Variants in ATP6V0A4 observed in about 807,000 individuals in gnomAD.
The protein encoded by ATP6V0A4 is V-type proton ATPase 116 kDa subunit a 4.
A neutral mutation model predicts 107.3 loss-of-function variants in ATP6V0A4; 86 were observed. That is an observed-to-expected ratio of 0.80 (90% CI 0.67 to 0.96). The LOEUF is 0.96. Ranked by LOEUF, ATP6V0A4 falls within the 40% of genes least tolerant of loss-of-function variation. ATP6V0A4 has a pLI of 0.00. For missense variants in ATP6V0A4, 908 were observed against 1,045.6 expected, an observed-to-expected ratio of 0.87 and a Z score of 1.81; for synonymous variants, 353 against 381.4, an observed-to-expected ratio of 0.93 and a Z score of 0.87.
intron 14 of ATP6V0A4, among the ~76,000 whole-genome samples, chr7:138,742,145 G>A (rs1460164574): frequency 2.0e-5 from 3 of 152,098 alleles, no homozygotes; most frequent in South Asian, 2.1e-4. Context: ...AACTCATCTC[G>A]GCCGGGCACG....
chr7:138,779,168 A>G (rs1466300923), intron 2 of ATP6V0A4, among the ~76,000 whole-genome samples: 1 of 151,928 alleles, frequency 6.6e-6, no homozygotes, highest in African/African-American at 2.4e-5. Context: ...CAGTGAGACT[A>G]TCATCTCTAC....
intron 1 of ATP6V0A4, among the ~76,000 whole-genome samples, chr7:138,789,216 T>G (rs1484691879): frequency 1.4e-5 from 2 of 145,622 alleles, no homozygotes; most frequent in African/African-American, 2.6e-5. Context: ...TAAGGTTTTT[T>G]GGGGGGTTTT....
chr7:138,707,182 A>ATATAT (rs1185813521), intron 21 of ATP6V0A4, among the ~76,000 whole-genome samples: 1 of 62,440 alleles, frequency 1.6e-5, no homozygotes, highest in African/African-American at 7.2e-5. Flanking sequence ...ATATTATATA[A>ATATAT]TATATTATAT....
chr7:138,707,233 AAT>A (rs1491469884), intron 21 of ATP6V0A4, among the ~76,000 whole-genome samples: 14 of 70,326 alleles, frequency 2.0e-4, no homozygotes, highest in South Asian at 9.7e-4. Context: ...TATATTATAT[AAT>A]ATATATTATA....
chr7:138,717,077 C>T (rs964943327), intron 19 of ATP6V0A4, among the ~76,000 whole-genome samples: 1 of 152,170 alleles, frequency 6.6e-6, no homozygotes, highest in Non-Finnish European at 1.5e-5. Flanking sequence ...GGAAGAATGA[C>T]ATTGACAGAG....
chr7:138,734,943 G>A (rs1230872647), intron 15 of ATP6V0A4, among the ~76,000 whole-genome samples: 2 of 151,980 alleles, frequency 1.3e-5, no homozygotes, highest in Non-Finnish European at 1.5e-5. Flanking sequence ...GTAGTGCTTC[G>A]CATTACAAAG....
chr7:138,777,074 G>A (rs931595354), intron 2 of ATP6V0A4, among the ~76,000 whole-genome samples: 10 of 151,758 alleles, frequency 6.6e-5, no homozygotes, highest in Non-Finnish European at 8.8e-5. Flanking sequence ...GCTTGAACCC[G>A]GGAAGTGGAG....
intron 8 of ATP6V0A4, among the ~76,000 whole-genome samples, chr7:138,758,351 C>T (rs1178342803): frequency 6.6e-6 from 1 of 152,086 alleles, no homozygotes; most frequent in Non-Finnish European, 1.5e-5. Context: ...CAAATGAAGA[C>T]ATTAGAGTGA....
chr7:138,777,325 A>C (rs1188592845), intron 2 of ATP6V0A4, among the ~76,000 whole-genome samples: 1 of 151,208 alleles, frequency 6.6e-6, no homozygotes, highest in Non-Finnish European at 1.5e-5. Flanking sequence ...CATTTTTAAA[A>C]ATATTATGGC....
intron 19 of ATP6V0A4, 97 bp downstream of exon 19, chr7:138,721,800 G>A (rs1804434883): frequency 1.4e-5 from 20 of 1,418,632 alleles, no homozygotes; most frequent in Middle Eastern, 4.8e-4. Flanking sequence ...CTACTGCCCC[G>A]TGGGGCCCTC....
intron 3 of ATP6V0A4, among the ~76,000 whole-genome samples, chr7:138,770,251 G>C (rs886379565): frequency 6.6e-6 from 1 of 151,492 alleles, no homozygotes; most frequent in Non-Finnish European, 1.5e-5. Context: ...GGAAGGAAGA[G>C]AGGGAGGGGA....
chr7:138,730,126 C>T (rs892800253), intron 17 of ATP6V0A4, among the ~76,000 whole-genome samples: 6 of 152,136 alleles, frequency 3.9e-5, no homozygotes, highest in African/African-American at 7.2e-5. Flanking sequence ...CCTCGTGATC[C>T]GCCCGCCTCG....
chr7:138,749,117 C>G (rs754319530), intron 12 of ATP6V0A4, 50 bp downstream of exon 12: 9 of 1,609,954 alleles, frequency 5.6e-6, no homozygotes, highest in Non-Finnish European at 6.8e-6. Flanking sequence ...GTCCATCTTA[C>G]CAGTTTTCAC....
intron 18 of ATP6V0A4, among the ~76,000 whole-genome samples, chr7:138,724,676 C>T (rs17441563): frequency 0.21 from 32,522 of 152,158 alleles, 3,795 homozygotes; most frequent in Non-Finnish European, 0.25. Context: ...TTTGTCATCT[C>T]GAAATCCTAT....
chr7:138,755,816 G>A (rs1490963589), intron 9 of ATP6V0A4, 34 bp from the exon 10 acceptor site: 6 of 1,607,172 alleles, frequency 3.7e-6, no homozygotes, highest in Non-Finnish European at 4.2e-6. Context: ...AAACAGGTGA[G>A]TTCTTGCTGC....
At chr7:138,751,693 G>A (rs1806234077) in intron 11 of ATP6V0A4, among the ~76,000 whole-genome samples, 1 of 152,034 alleles carries the variant, frequency 6.6e-6, no homozygotes, top group African/African-American at 2.4e-5. Context: ...TGAATGGAGG[G>A]AGCGGTGAGA....
At chr7:138,707,375 TTA>T (rs1204041761) in intron 21 of ATP6V0A4, among the ~76,000 whole-genome samples, 11 of 98,644 alleles carry the variant, frequency 1.1e-4, no homozygotes, top group East Asian at 2.4e-4. Flanking sequence ...ATATATATAT[TTA>T]TATATATATA....
At chr7:138,768,135 T>C (rs986582352) in intron 5 of ATP6V0A4, among the ~76,000 whole-genome samples, 1 of 152,112 alleles carries the variant, frequency 6.6e-6, no homozygotes. Context: ...GGTTTCACCA[T>C]GTTGGCCAGG....
intron 14 of ATP6V0A4, among the ~76,000 whole-genome samples, chr7:138,741,519 T>C (rs1426781900): frequency 2.0e-5 from 3 of 152,030 alleles, no homozygotes; most frequent in Non-Finnish European, 4.4e-5. Flanking sequence ...AGCAACTTCA[T>C]AGAACAGCAA....
Sources: allele counts gnomAD v4.1 joint callset (sites outside exome capture counted in the v4.1 genomes callset), GRCh38; gene constraint gnomAD v4.1.1; transcripts MANE v1.5; gene names NCBI Gene and HGNC (gene_info 2026-07-23, HGNC 2026-07-21).